Variants in NKAIN2 observed in about 807,000 individuals in gnomAD.
The protein encoded by NKAIN2 is sodium/potassium-transporting ATPase subunit beta-1-interacting protein 2.
Under a neutral mutation model 32.6 loss-of-function variants are expected in NKAIN2, and 14 were observed. The ratio of observed to expected loss-of-function variants is 0.43; its 90% CI spans 0.28 to 0.67. The LOEUF is 0.67. NKAIN2 is among the 30% of genes least tolerant of loss of function. The pLI is 0.17. For synonymous variants in NKAIN2, 80 were observed against 87.2 expected (o/e 0.92, Z 0.46); for missense variants, 198 against 258.3 (o/e 0.77, Z 1.60).
At chr6:124,006,539 G>A (rs1780082037) in intron 1 of NKAIN2, among the ~76,000 whole-genome samples, 1 of 152,180 alleles carries the variant, frequency 6.6e-6, no homozygotes, top group Admixed American at 6.5e-5. Context: ...GTTATCCTGA[G>A]GCAAAATGAC....
At chr6:124,020,503 C>G (rs940126776) in intron 1 of NKAIN2, among the ~76,000 whole-genome samples, 1 of 152,090 alleles carries the variant, frequency 6.6e-6, no homozygotes, top group Admixed American at 6.6e-5. Context: ...GAGTTTTCTG[C>G]CCAACTTCTA....
intron 2 of NKAIN2, among the ~76,000 whole-genome samples, chr6:124,337,140 G>C (rs1327292263): frequency 6.6e-6 from 1 of 152,168 alleles, no homozygotes; most frequent in Non-Finnish European, 1.5e-5. Flanking sequence ...AATCATTTAT[G>C]ATGTACCATC....
intron 1 of NKAIN2, among the ~76,000 whole-genome samples, chr6:124,134,477 A>C (rs990171658): frequency 1.3e-5 from 2 of 152,142 alleles, no homozygotes; most frequent in South Asian, 4.1e-4. Context: ...CATGCTCAGG[A>C]GTTCAAGGCT....
chr6:124,386,238 C>G (rs1227381097), intron 3 of NKAIN2, among the ~76,000 whole-genome samples: 1 of 152,118 alleles, frequency 6.6e-6, no homozygotes, highest in African/African-American at 2.4e-5. Context: ...GTAACGCCTT[C>G]CTGGATGTTT....
At position 124,055,766 on chromosome 6, in the gene NKAIN2, A is replaced by G; in HGVS notation, c.55-227239A>G. Among the ~76,000 whole-genome samples, 2 of 152,042 alleles carry G rather than the reference A, an allele frequency of 1.3e-5. 1 individual carries two copies. Among genetic ancestry groups the G allele is most frequent in the East Asian group, 3.9e-4 (2 of 5,174 alleles). Reference sequence around the variant, plus strand: ...TTAAAAAATCACTCTCCTAGTTGCCAGTTGCAGAAATTAACAAAAATGTGC... The same window carrying G: ...TTAAAAAATCACTCTCCTAGTTGCCGGTTGCAGAAATTAACAAAAATGTGC... On this transcript the variant is annotated intron_variant, in intron 1 of 6. Transcript: ENST00000368417.
At chr6:124,195,228 G>A (rs1211830729) in intron 1 of NKAIN2, among the ~76,000 whole-genome samples, 1 of 151,848 alleles carries the variant, frequency 6.6e-6, no homozygotes, top group Non-Finnish European at 1.5e-5. Flanking sequence ...CATGACCTTA[G>A]AGTAAATCAG....
chr6:124,262,002 A>C (rs1229000035), intron 1 of NKAIN2, among the ~76,000 whole-genome samples: 3 of 152,044 alleles, frequency 2.0e-5, no homozygotes, highest in Non-Finnish European at 2.9e-5. Context: ...GAATGTATCA[A>C]AATTAACTGA....
At chr6:124,390,421 G>A (rs1019392928) in intron 3 of NKAIN2, among the ~76,000 whole-genome samples, 8 of 152,084 alleles carry the variant, frequency 5.3e-5, no homozygotes, top group East Asian at 1.9e-4. Flanking sequence ...TCTTAATAAC[G>A]TTAACCAGTA....
At chr6:124,320,753 G>T (rs1797143577) in intron 2 of NKAIN2, among the ~76,000 whole-genome samples, 1 of 152,210 alleles carries the variant, frequency 6.6e-6, no homozygotes, top group African/African-American at 2.4e-5. Context: ...GATATTCAAT[G>T]AATACCTTGA....
intron 4 of NKAIN2, among the ~76,000 whole-genome samples, chr6:124,679,332 C>T (rs184274918): frequency 1.7e-4 from 26 of 152,158 alleles, no homozygotes; most frequent in Non-Finnish European, 1.5e-5. Context: ...AAATTGGTGC[C>T]CTTTTCTGTC....
chr6:124,065,824 C>T (rs996448343), intron 1 of NKAIN2, among the ~76,000 whole-genome samples: 2 of 152,106 alleles, frequency 1.3e-5, no homozygotes, highest in African/African-American at 4.8e-5. Flanking sequence ...TTTAAATTCT[C>T]ACACTTATAA....
At chr6:124,221,622 T>C (rs959484245) in intron 1 of NKAIN2, among the ~76,000 whole-genome samples, 39 of 152,262 alleles carry the variant, frequency 2.6e-4, no homozygotes, top group African/African-American at 9.4e-4. Context: ...TAAGAGTTGT[T>C]GTTACCCAGC....
intron 1 of NKAIN2, among the ~76,000 whole-genome samples, chr6:123,985,508 C>T (rs968282244): frequency 6.6e-6 from 1 of 152,126 alleles, no homozygotes; most frequent in South Asian, 2.1e-4. Flanking sequence ...AGACACATGA[C>T]ATGCTGTTGA....
At chr6:124,396,964 T>C (rs1773408888) in intron 3 of NKAIN2, among the ~76,000 whole-genome samples, 1 of 152,140 alleles carries the variant, frequency 6.6e-6, no homozygotes, top group Non-Finnish European at 1.5e-5. Flanking sequence ...TAAGTTGTGG[T>C]GAAAATACAA....
At chr6:123,812,868 A>C (rs1340871401) in intron 1 of NKAIN2, among the ~76,000 whole-genome samples, 1 of 152,234 alleles carries the variant, frequency 6.6e-6, no homozygotes, top group Non-Finnish European at 1.5e-5. Flanking sequence ...TTTGAAATGG[A>C]GGAATCAAAT....
intron 1 of NKAIN2, among the ~76,000 whole-genome samples, chr6:123,827,955 T>G (rs1361930236): frequency 6.6e-6 from 1 of 152,140 alleles, no homozygotes; most frequent in African/African-American, 2.4e-5. Context: ...AAAAGACTTT[T>G]GTAGAATCAG....
At chr6:123,877,321 T>C (rs1350028491) in intron 1 of NKAIN2, among the ~76,000 whole-genome samples, 2 of 152,248 alleles carry the variant, frequency 1.3e-5, no homozygotes, top group African/African-American at 4.8e-5. Context: ...ATTTGCTACG[T>C]AGATTTCTGA....
intron 1 of NKAIN2, among the ~76,000 whole-genome samples, chr6:123,856,237 C>G (rs920984922): frequency 1.3e-5 from 2 of 152,226 alleles, no homozygotes; most frequent in African/African-American, 2.4e-5. Context: ...ACTTTCCTGA[C>G]AGCTTTTTGA....
intron 3 of NKAIN2, among the ~76,000 whole-genome samples, chr6:124,566,805 C>T (rs1780932592): frequency 6.6e-6 from 1 of 151,846 alleles, no homozygotes; most frequent in Admixed American, 6.6e-5. Context: ...TAGTATTTCA[C>T]ACACACACAC....
Sources: gnomAD v4.1 joint callset for allele counts (sites outside exome capture counted in the v4.1 genomes callset) on GRCh38, gnomAD v4.1.1 for gene constraint, MANE v1.5 for transcripts, NCBI Gene and HGNC (gene_info 2026-07-23, HGNC 2026-07-21) for gene names.